The following TRIQK variants were observed in gnomAD, a reference collection of about 807,000 sequenced individuals.
The protein encoded by TRIQK is triple QxxK/R motif-containing protein.
A neutral mutation model predicts 10.8 loss-of-function variants in TRIQK; 10 were observed. That is an observed-to-expected ratio of 0.92 (90% CI 0.57 to 1.57). The LOEUF (loss-of-function observed/expected upper bound fraction) is 1.57. Ranked by LOEUF, TRIQK falls within the 40% of genes most tolerant of loss-of-function variation. The pLI is 0.00. For synonymous variants in TRIQK, 33 were observed against 33.7 expected, an observed-to-expected ratio of 0.98 and a Z score of 0.07; for missense variants, 107 against 97.7, an observed-to-expected ratio of 1.09 and a Z score of -0.40.
At chr8:93,015,698 A>G (rs914645652) in intron 1 of TRIQK, among the ~76,000 whole-genome samples, 1 of 152,132 alleles carries the variant, frequency 6.6e-6, no homozygotes, top group African/African-American at 2.4e-5. Context: ...TTGAATAAAT[A>G]AAATTCTAAA....
intron 2 of TRIQK, among the ~76,000 whole-genome samples, chr8:92,923,268 AT>A (rs1382876385): frequency 2.0e-5 from 3 of 151,730 alleles, no homozygotes; most frequent in African/African-American, 2.4e-5. Flanking sequence ...CCAGGGAGAC[AT>A]TAGCACATAC....
At chr8:92,902,353 A>G (rs551002680) in intron 3 of TRIQK, among the ~76,000 whole-genome samples, 1 of 152,222 alleles carries the variant, frequency 6.6e-6, no homozygotes, top group African/African-American at 2.4e-5. Context: ...TTCCACTGTG[A>G]CAGGGCAGCA....
intron 1 of TRIQK, among the ~76,000 whole-genome samples, chr8:92,990,021 A>C (rs1371544265): frequency 6.6e-6 from 1 of 152,178 alleles, no homozygotes; most frequent in Non-Finnish European, 1.5e-5. Flanking sequence ...AAATACTAAA[A>C]CTTCATAACA....
At chr8:93,004,413 A>C (rs1441959609) in intron 1 of TRIQK, among the ~76,000 whole-genome samples, 2 of 152,188 alleles carry the variant, frequency 1.3e-5, no homozygotes, top group Non-Finnish European at 2.9e-5. Context: ...TGGCCCACGA[A>C]ACAATGTTTC....
At position 92,886,529 on chromosome 8, in the gene TRIQK, A is replaced by C. The variant is rs1816485746; in HGVS notation, c.*93T>G. ...CAAACTGAAAATATTAGCAGAAAGAATTAAAGATGTTACAGTTTCAGTATT... is the reference window on the plus strand; with the variant it reads ...CAAACTGAAAATATTAGCAGAAAGACTTAAAGATGTTACAGTTTCAGTATT... On this transcript the variant is annotated 3_prime_UTR_variant, in exon 5 of 5. Transcript: ENST00000521988. The C allele has an allele frequency of 1.4e-6, 1 of 690,534 alleles. No individual in the cohort carries two copies. The highest frequency in any genetic ancestry group is 2.4e-6 in the Non-Finnish European group (1 of 424,062). The allele number at this position is 690,534 out of a possible 1,614,324, so 42.8% of individuals were successfully genotyped here. A position where few individuals can be genotyped will look rare whatever the true frequency, so the allele number is the denominator to read the frequency against.
intron 1 of TRIQK, among the ~76,000 whole-genome samples, chr8:93,011,187 C>T (rs1034251550): frequency 3.5e-4 from 39 of 110,796 alleles, no homozygotes; most frequent in African/African-American, 1.2e-3. Context: ...CATACACACA[C>T]ACACACACAC....
chr8:93,009,998 T>C (rs1295590808), intron 1 of TRIQK, among the ~76,000 whole-genome samples: 1 of 152,064 alleles, frequency 6.6e-6, no homozygotes, highest in Non-Finnish European at 1.5e-5. Context: ...GACATTATGA[T>C]AGTAAAATTA....
At chr8:92,908,163 C>A (rs1429976180) in intron 3 of TRIQK, among the ~76,000 whole-genome samples, 1 of 152,004 alleles carries the variant, frequency 6.6e-6, no homozygotes, top group African/African-American at 2.4e-5. Flanking sequence ...TACATCTTTG[C>A]CCTTTGTTGA....
At position 92,927,012 on chromosome 8, in the gene TRIQK, C is replaced by T. The variant is rs553424011; in HGVS notation, c.-21-10002G>A. 2.6e-5 allele frequency among the ~76,000 whole-genome samples: 4 copies of T among 152,200 alleles called. No homozygotes were observed. The South Asian group carries it at 8.3e-4, about 32-fold the overall frequency. On this transcript the variant is annotated intron_variant, in intron 2 of 4. Transcript: ENST00000521988. ...ACTGCAGTGAGCTCTGATCATGCCA[C>T]TGCACTCCAGCTTGGGCAACAGACT...
At chr8:92,913,502 C>T (rs149811187) in intron 3 of TRIQK, among the ~76,000 whole-genome samples, 12 of 152,062 alleles carry the variant, frequency 7.9e-5, no homozygotes, top group African/African-American at 9.7e-5. Context: ...GAAATAGGAA[C>T]GCTTTTACAC....
intron 1 of TRIQK, among the ~76,000 whole-genome samples, chr8:92,992,226 C>T (rs555428320): frequency 6.6e-6 from 1 of 152,146 alleles, no homozygotes; most frequent in Non-Finnish European, 1.5e-5. Flanking sequence ...AGGACCCAGG[C>T]AATGTTCCTG....
At chr8:93,016,212 A>G (rs887515277) in intron 1 of TRIQK, among the ~76,000 whole-genome samples, 16 of 152,236 alleles carry the variant, frequency 1.1e-4, no homozygotes, top group Admixed American at 8.5e-4. Flanking sequence ...ATCACAATAA[A>G]TGAACAAAGT....
chr8:93,005,119 A>G (rs1428230106), intron 1 of TRIQK, among the ~76,000 whole-genome samples: 1 of 152,214 alleles, frequency 6.6e-6, no homozygotes. Flanking sequence ...ACACTGCTAT[A>G]AAGAACTACC....
intron 2 of TRIQK, among the ~76,000 whole-genome samples, chr8:92,941,676 T>C (rs1811277288): frequency 6.6e-6 from 1 of 151,742 alleles, no homozygotes; most frequent in Non-Finnish European, 1.5e-5. Flanking sequence ...GAAACAAAAT[T>C]AACAAACTCT....
intron 4 of TRIQK, among the ~76,000 whole-genome samples, chr8:92,891,042 G>A (rs770791020): frequency 4.4e-4 from 67 of 151,738 alleles, no homozygotes; most frequent in Non-Finnish European, 8.3e-4. Flanking sequence ...ATGGTGTTGT[G>A]CAAACATACT....
intron 2 of TRIQK, among the ~76,000 whole-genome samples, chr8:92,945,086 T>A (rs1360743557): frequency 6.6e-6 from 1 of 152,176 alleles, no homozygotes. Flanking sequence ...GATAAATAAT[T>A]TTTAAAGAAG....
At chr8:92,927,575 G>A (rs1014235806) in intron 2 of TRIQK, among the ~76,000 whole-genome samples, 1 of 152,164 alleles carries the variant, frequency 6.6e-6, no homozygotes, top group Non-Finnish European at 1.5e-5. Context: ...TTGAGATGGA[G>A]TAAGTTTTGG....
rs200922800 is a variant in TRIQK at position 92,887,162 on chromosome 8, GT to G, written c.148-428del. On this transcript the variant is annotated intron_variant, in intron 4 of 4. Coordinates refer to ENST00000521988, the MANE Select transcript of TRIQK (RefSeq NM_001171797.2). ...GTATTAATGATAGCATTTGGGCACAGTTTTTTTTTTAATTATCATTCCTTTT... is the reference window on the plus strand; with the variant it reads ...GTATTAATGATAGCATTTGGGCACAGTTTTTTTTTAATTATCATTCCTTTT... Among the ~76,000 whole-genome samples the G allele has an allele frequency of 6.2e-3, 924 of 147,902 alleles. 43 individuals are homozygous for G. The highest frequency in any genetic ancestry group is 0.052 in the Admixed American group (769 of 14,788).
intron 2 of TRIQK, chr8:92,922,190 T>C (rs886980593): frequency 6.6e-6 from 1 of 151,884 alleles, no homozygotes; most frequent in Admixed American, 6.6e-5. Flanking sequence ...TTACTTCTTA[T>C]AATTCAAAAC....
Sources: allele counts gnomAD v4.1 joint callset (sites outside exome capture counted in the v4.1 genomes callset), GRCh38; gene constraint gnomAD v4.1.1; transcripts MANE v1.5; gene names NCBI Gene and HGNC (gene_info 2026-07-23, HGNC 2026-07-21).